ADPRHL1: variants seen among roughly 807,000 people sequenced by gnomAD.
ADPRHL1 encodes inactive ADP-ribosyltransferase ARH2.
Under a neutral mutation model 44.1 loss-of-function variants are expected in ADPRHL1, and 43 were observed. That is an observed-to-expected ratio of 0.98 (90% CI 0.76 to 1.26). ADPRHL1 has a LOEUF of 1.26. Among genes scored for constraint, ADPRHL1 ranks in the 50% most tolerant of loss-of-function variants. ADPRHL1 has a pLI of 0.00. For synonymous variants in ADPRHL1, 878 were observed against 1,017.4 expected (o/e 0.86, Z 2.61); for missense variants, 2,022 against 2,496.9 (o/e 0.81, Z 4.05).
Position 113,407,714 on chromosome 13 carries a change from C to A in ADPRHL1, c.1568G>T (p.Arg523Leu). Residue 523 changes from arginine to leucine, a missense_variant, in exon 8 of 8, where the codon CGC (arginine) becomes CTC (leucine). Physicochemically the swap from Arg to Leu is moderately radical, Grantham distance 102. Around this residue, in one of 8 missense-constraint regions of ADPRHL1, gnomAD observed 1,221 missense variants for 1,517.8 expected, o/e 0.80. Coordinates refer to ENST00000612156, the MANE Select transcript of ADPRHL1 (RefSeq NM_001394807.1). ...EEKEAKEKEA[R>L]EKPPVERPKA... The stretch of plus-strand genomic sequence containing the variant: ...GGGCCGCTCCACAGGGGGCTTCTCG[C>A]GTGCTTCTTTCTCCTTCGCCTCCTT... 1 of 1,232,120 alleles carries A rather than the reference C, an allele frequency of 8.1e-7. No individual in the cohort carries two copies. Among genetic ancestry groups the A allele is most frequent in the Non-Finnish European group, 1.0e-6 (1 of 988,042 alleles). 76.3% of individuals were successfully genotyped at this position (1,232,120 alleles called of 1,614,324 possible).
intron 2 of ADPRHL1, 113 bp from the exon 3 acceptor site, chr13:113,433,980 A>C: frequency 7.1e-7 from 1 of 1,401,746 alleles, no homozygotes; most frequent in Non-Finnish European, 9.4e-7. Flanking sequence ...ATAACATGTT[A>C]TCAGAGTGTG....
intron 7 of ADPRHL1, chr13:113,422,144 A>G (rs558896749): frequency 2.9e-4 from 44 of 152,282 alleles, no homozygotes; most frequent in African/African-American, 1.1e-3. Flanking sequence ...GACTTGGCCC[A>G]CTAAGGCAGA....
In ADPRHL1 at chr13:113,441,110, G is replaced by A. The variant is rs574036309; in HGVS notation, c.379+3315C>T. Among the ~76,000 whole-genome samples the A allele has an allele frequency of 7.2e-5, 11 of 152,274 alleles. No individual in the cohort carries two copies. Among genetic ancestry groups the A allele is most frequent in the South Asian group, 2.1e-4 (1 of 4,818 alleles). ...AGAGGTTGCAGTGAGCCAAAATTGC[G>A]CCACTGCACTCCAATCTGGGCGACA... On this transcript the variant is annotated intron_variant, in intron 2 of 7. Coordinates refer to ENST00000612156, the MANE Select transcript of ADPRHL1 (RefSeq NM_001394807.1). This position sits in a 1 kb window ranked among gnomAD's most constrained non-coding sequence, Gnocchi z 6.0.
Position 113,405,796 on chromosome 13 carries a change from T to C in ADPRHL1, c.3486A>G (p.Gly1162=). ...SRALSESHPR[G]EALPRDPHSH... is the part of the protein sequence containing the mutation. ...TGTGAGGGTCTCGAGGGAGAGCCTC[T>C]CCTCTGGGGTGGCTTTCGGACAAGG... is the stretch of plus-strand genomic sequence containing the variant. The change falls in exon 8 of 8, where the codon GGA becomes GGG. Residue 1162 remains glycine, a synonymous_variant. Transcript: ENST00000612156. The C allele has an allele frequency of 8.1e-7, 1 of 1,231,774 alleles. No homozygotes were observed. The highest frequency in any genetic ancestry group is 1.0e-6 in the Non-Finnish European group (1 of 987,996). The allele number at this position is 1,231,774 out of a possible 1,614,324, so 76.3% of individuals were successfully genotyped here.
At position 113,453,245 on chromosome 13, in the gene ADPRHL1, T is replaced by C; in HGVS notation, c.193A>G (p.Thr65Ala). The part of the protein sequence containing the change: ...VSDNTIMHIA[T>A]AEALTTDYWC... ...CTACCTGTGGTGAGGGCCTCGGCGG[T>C]TGCGATGTGCATGATGGTGTTGTCA... Residue 65 changes from threonine (T) to alanine (A), a missense_variant, in exon 1 of 8, where the codon ACC (threonine) becomes GCC (alanine). Coordinates refer to ENST00000612156, the MANE Select transcript of ADPRHL1 (RefSeq NM_001394807.1). This position sits in a 1 kb window ranked among gnomAD's most constrained non-coding sequence, Gnocchi z 5.4. 6.2e-7 allele frequency: 1 copy of C among 1,614,038 alleles called. No homozygotes were observed. Among genetic ancestry groups the C allele is most frequent in the Non-Finnish European group, 8.5e-7 (1 of 1,180,022 alleles).
intron 2 of ADPRHL1, 77 bp from the exon 3 acceptor site, chr13:113,433,944 A>G: frequency 6.9e-7 from 1 of 1,447,780 alleles, no homozygotes; most frequent in Non-Finnish European, 9.1e-7. Flanking sequence ...TTCATGAATA[A>G]TTTTAAAAGT....
chr13:113,453,257 T>C lies in ADPRHL1; in HGVS notation c.181A>G (p.Met61Val), dbSNP rs2044189770. 1 of 1,614,006 alleles carries C rather than the reference T, an allele frequency of 6.2e-7. No homozygotes were observed. Among genetic ancestry groups the C allele is most frequent in the African/African-American group, 1.3e-5 (1 of 74,934 alleles). Residue 61 changes from methionine (M) to valine (V), a missense_variant, in exon 1 of 8, where the codon ATG (methionine) becomes GTG (valine). Met to Val is a conservative substitution (Grantham distance 21). Transcript: ENST00000612156. This position sits in a 1 kb window ranked among gnomAD's most constrained non-coding sequence, Gnocchi z 5.4. The stretch of plus-strand genomic sequence containing the variant: ...AGGGCCTCGGCGGTTGCGATGTGCA[T>C]GATGGTGTTGTCACTCACGGGCCAT... ...GEWPVSDNTI[M>V]HIATAEALTT...
In ADPRHL1 at chr13:113,409,330, G is replaced by A. The variant is rs955027593; in HGVS notation, c.1062-1110C>T. On this transcript the variant is annotated intron_variant, in intron 7 of 7. Coordinates refer to ENST00000612156, the MANE Select transcript of ADPRHL1 (RefSeq NM_001394807.1). This position sits in a 1 kb window ranked among gnomAD's most constrained non-coding sequence, Gnocchi z 4.2. ...CCCCAGATGATAATTTTGGGTAGACGCACCCAGAATCTTAGCTGTCACACC... is the reference window on the plus strand; with the variant it reads ...CCCCAGATGATAATTTTGGGTAGACACACCCAGAATCTTAGCTGTCACACC... 10 of 985,252 alleles carry A rather than the reference G, an allele frequency of 1.0e-5. No homozygotes were observed. The highest frequency in any genetic ancestry group is 6.1e-5 in the Admixed American group (1 of 16,262). The allele number at this position is 985,252 out of a possible 1,614,324, so 61.0% of individuals were successfully genotyped here.
At chr13:113,434,687 G>C (rs1048819695) in intron 2 of ADPRHL1, among the ~76,000 whole-genome samples, 823 of 122,346 alleles carry the variant, frequency 6.7e-3, no homozygotes, top group East Asian at 0.021. Flanking sequence ...CCGGCACCCA[G>C]GTGTAGAGTG....
In ADPRHL1 at chr13:113,402,118, C is replaced by T. The variant is rs2043766589; in HGVS notation, c.*1260G>A. The T allele has an allele frequency of 6.6e-6, 1 of 152,266 alleles. No individual in the cohort carries two copies. Among genetic ancestry groups the T allele is most frequent in the Non-Finnish European group, 1.5e-5 (1 of 68,070 alleles). The allele number at this position is 152,266 out of a possible 1,614,324, so 9.4% of individuals were successfully genotyped here. A position where few individuals can be genotyped will look rare whatever the true frequency, so the allele number is the denominator to read the frequency against. ...TCCACAGGGAGGGCACCACCAAAAACAAGGGTGCGGGGCTGTAGGGCGACA... is the reference window on the plus strand; with the variant it reads ...TCCACAGGGAGGGCACCACCAAAAATAAGGGTGCGGGGCTGTAGGGCGACA... On this transcript the variant is annotated 3_prime_UTR_variant, in exon 8 of 8. Coordinates refer to ENST00000612156, the MANE Select transcript of ADPRHL1 (RefSeq NM_001394807.1).
rs2043822913 is a variant in ADPRHL1 at position 113,408,096 on chromosome 13, C to T, written c.1186G>A (p.Val396Ile). The change falls in exon 8 of 8, where the codon GTC becomes ATC. Residue 396 changes from valine to isoleucine, a missense_variant. Around this residue, in one of 8 missense-constraint regions of ADPRHL1, gnomAD observed 1,221 missense variants for 1,517.8 expected, o/e 0.80. Transcript: ENST00000612156. ...GGGGGCCGGTCTGCGCGGCCCGTGA[C>T]GTAGAGCAGCAGGCTGCTGAGGATG... The part of the protein sequence containing the change: ...HSILSSLLLY[V>I]TGRADRPPGT... The T allele has an allele frequency of 8.1e-6, 10 of 1,231,874 alleles. No homozygotes were observed. Among genetic ancestry groups the T allele is most frequent in the African/African-American group, 4.7e-5 (3 of 64,426 alleles). 76.3% of individuals were successfully genotyped at this position (1,231,874 alleles called of 1,614,324 possible). A position where few individuals can be genotyped will look rare whatever the true frequency, so the allele number is the denominator to read the frequency against.
At position 113,450,445 on chromosome 13, in the gene ADPRHL1, CAA is replaced by C. The variant is rs2044170739; in HGVS notation, c.214+2777_214+2778del. On this transcript the variant is annotated intron_variant, in intron 1 of 7. Transcript: ENST00000612156. ...AGAGTGTAGAAATAAAGACACAAGA[CAA>C]GAGATAAGAGAAAAGGCAGCTGGGC... Among the ~76,000 whole-genome samples, 4 of 152,232 alleles carry C rather than the reference CAA, an allele frequency of 2.6e-5. 1 individual carries two copies. In the South Asian group the frequency reaches 8.3e-4, roughly 32 times the overall value.
intron 2 of ADPRHL1, among the ~76,000 whole-genome samples, chr13:113,434,510 CA>C (rs2044033045): frequency 6.6e-6 from 1 of 150,740 alleles, no homozygotes; most frequent in African/African-American, 2.5e-5. Context: ...CCCCGGGACC[CA>C]GCATCCACAT....
At chr13:113,413,781 G>A (rs538547221) in intron 7 of ADPRHL1, among the ~76,000 whole-genome samples, 8 of 152,304 alleles carry the variant, frequency 5.3e-5, no homozygotes, top group South Asian at 2.1e-4. Context: ...CTCCCTCAGC[G>A]TCCCCTCAGC....
Position 113,433,866 on chromosome 13 carries a change from GC to G in ADPRHL1, c.380del (p.Gly127AlafsTer36). On this transcript the variant is annotated frameshift_variant and splice_region_variant, in exon 3 of 8. Transcript: ENST00000612156. LOFTEE classifies it high-confidence loss of function. ...LAWHTPFNEK[G>X]SGFGAATKAM... is the part of the protein sequence containing the mutation. ...CCTTGGTGGCCGCTCCAAACCCTGAGCCTGTGTGGAGAAGGAAGAGCTAGTT... is the reference window on the plus strand; with the variant it reads ...CCTTGGTGGCCGCTCCAAACCCTGAGCTGTGTGGAGAAGGAAGAGCTAGTT... 1 of 1,545,710 alleles carries G rather than the reference GC, an allele frequency of 6.5e-7. No individual in the cohort carries two copies. The highest frequency in any genetic ancestry group is 8.8e-7 in the Non-Finnish European group (1 of 1,140,524).
chr13:113,444,589 T>A lies in ADPRHL1; in HGVS notation c.215A>T (p.Asp72Val), dbSNP rs200232170. The A allele has an allele frequency of 6.2e-7, 1 of 1,612,814 alleles. No individual in the cohort carries two copies. The highest frequency in any genetic ancestry group is 1.3e-5 in the African/African-American group (1 of 74,974). Residue 72 changes from aspartate to valine, a missense_variant and splice_region_variant, in exon 2 of 8, where the codon GAC (aspartate) becomes GTC (valine). Asp to Val is a radical substitution (Grantham distance 152). Coordinates refer to ENST00000612156, the MANE Select transcript of ADPRHL1 (RefSeq NM_001394807.1). ...HIATAEALTTDYWCLDDLYRE... is the reference protein window; with the variant it reads ...HIATAEALTTVYWCLDDLYRE... Reference sequence around the variant, plus strand: ...GTACAGATCATCCAGGCACCAGTAGTCTGCGGAAGAAAGGGAGGGCAGACA... The same window carrying A: ...GTACAGATCATCCAGGCACCAGTAGACTGCGGAAGAAAGGGAGGGCAGACA...
rs1235241225 is a variant in ADPRHL1 at position 113,425,051 on chromosome 13, C to T, written c.774+1G>A. The T allele has an allele frequency of 6.2e-7, 1 of 1,613,382 alleles. No individual in the cohort carries two copies. Among genetic ancestry groups the T allele is most frequent in the African/African-American group, 1.3e-5 (1 of 74,844 alleles). On this transcript the variant is annotated splice_donor_variant, in intron 5 of 7. Transcript: ENST00000612156. LOFTEE classifies it high-confidence loss of function. ...TGCCCCAGTGCCAGGACAAGGCTTA[C>T]CTTTTCCCTCTCTTCTGCATCATAA... is the stretch of plus-strand genomic sequence containing the variant.
rs1264170711 is a variant in ADPRHL1, at chr13:113,431,878, G to A, written c.505+1864C>T. On this transcript the variant is annotated intron_variant, in intron 3 of 7. Transcript: ENST00000612156. ...TTACAGGCATGCACCACCGTGCCCAGCTAATTTTTGTATTTTTTAGTAGAG... is the reference window on the plus strand; with the variant it reads ...TTACAGGCATGCACCACCGTGCCCAACTAATTTTTGTATTTTTTAGTAGAG... 2.0e-5 allele frequency among the ~76,000 whole-genome samples: 3 copies of A among 152,184 alleles called. No individual in the cohort carries two copies. In the South Asian group the frequency reaches 6.2e-4, roughly 32 times the overall value.
chr13:113,437,674 T>C (rs1235393779), intron 2 of ADPRHL1, among the ~76,000 whole-genome samples: 1 of 152,218 alleles, frequency 6.6e-6, no homozygotes, highest in African/African-American at 2.4e-5. Context: ...CCCTCTTGCA[T>C]TGATCTGCCA....
Sources: gnomAD v4.1 joint callset for allele counts (sites outside exome capture counted in the v4.1 genomes callset) on GRCh38, gnomAD v4.1.1 for gene constraint, gnomAD v4.1.1 regional missense constraint, Gnocchi (gnomAD v3.1) non-coding constraint, MANE v1.5 for transcripts, NCBI Gene and HGNC (gene_info 2026-07-23, HGNC 2026-07-21) for gene names.